The following CCSAP variants were observed in gnomAD, a reference collection of about 807,000 sequenced individuals.
The protein encoded by CCSAP is centriole, cilia and spindle-associated protein.
In CCSAP, 17 loss-of-function variants were observed where a neutral mutation model predicts 25.9. That is an observed-to-expected ratio of 0.66 (90% CI 0.45 to 0.99). The LOEUF (loss-of-function observed/expected upper bound fraction) is 0.99, where lower values mean the gene tolerates loss of function less well. Ranked by LOEUF, CCSAP falls within the 50% of genes least tolerant of loss-of-function variation. The pLI is 0.00. For synonymous variants in CCSAP, 169 were observed against 157.1 expected, an observed-to-expected ratio of 1.08 and a Z score of -0.57; for missense variants, 339 against 367.8, an observed-to-expected ratio of 0.92 and a Z score of 0.64.
In CCSAP at chr1:229,326,893, T is replaced by C. The variant is rs781331525; in HGVS notation, c.481A>G (p.Arg161Gly). The change falls in exon 3 of 4, where the codon AGA becomes GGA. Residue 161 changes from arginine to glycine, a missense_variant. Coordinates refer to ENST00000284617, the MANE Select transcript of CCSAP (RefSeq NM_145257.5). The part of the protein sequence containing the change: ...PRQQPSALFA[R>G]GNRKAVKSPQ... ...CTTTTGACCGCTTTCCTGTTTCCTC[T>C]AGCAAATAAGGCACTTGGTTGCTGT... 4 of 1,614,100 alleles carry C rather than the reference T, an allele frequency of 2.5e-6. No homozygotes were observed. The South Asian group carries it at 4.4e-5, about 18-fold the overall frequency.
At position 229,342,388 on chromosome 1, in the gene CCSAP, G is replaced by T; in HGVS notation, c.78C>A (p.Cys26Ter). ...QEPRWEEYGPCYRELLHYRLG... is the reference protein window; with the variant it reads ...QEPRWEEYGP ...GGCGGTAGTGCAGCAGCTCGCGGTA[G>T]CACGGCCCGTACTCCTCCCAGCGCG... Residue 26 changes from cysteine (C) to a stop codon, truncating the protein, a stop_gained, in exon 2 of 4, where the codon TGC (cysteine) becomes TGA (stop). Transcript: ENST00000284617. LOFTEE classifies it high-confidence loss of function. The surrounding 1 kb of genome is among the most constrained non-coding windows in gnomAD (Gnocchi z 7.5). 6.7e-7 allele frequency: 1 copy of T among 1,503,334 alleles called. No homozygotes were observed. The highest frequency in any genetic ancestry group is 1.3e-5 in the South Asian group (1 of 78,622). 93.1% of individuals were successfully genotyped at this position (1,503,334 alleles called of 1,614,324 possible).
chr1:229,336,348 C>G (rs974117706), intron 2 of CCSAP, among the ~76,000 whole-genome samples: 2 of 151,714 alleles, frequency 1.3e-5, no homozygotes, highest in African/African-American at 4.8e-5. Context: ...CTTCAGATGA[C>G]CCTAGGGACA....
chr1:229,330,568 C>T (rs181792690), intron 2 of CCSAP, among the ~76,000 whole-genome samples: 54 of 152,324 alleles, frequency 3.5e-4, no homozygotes, highest in Admixed American at 3.0e-3. Context: ...GCAGGCCGGG[C>T]GCGGTGGCTC....
chr1:229,333,293 C>T lies in CCSAP; in HGVS notation c.368-6287G>A, dbSNP rs560274456. Among the ~76,000 whole-genome samples the T allele has an allele frequency of 5.3e-5, 8 of 152,004 alleles. No homozygotes were observed. The East Asian group carries it at 1.4e-3, about 26-fold the overall frequency. ...TAAAAATACAAAAAAATTAGCCGGG[C>T]GTGGTGTCAGGTGCCTGTAGTCCCA... On this transcript the variant is annotated intron_variant, in intron 2 of 3. Coordinates refer to ENST00000284617, the MANE Select transcript of CCSAP (RefSeq NM_145257.5).
intron 2 of CCSAP, among the ~76,000 whole-genome samples, chr1:229,339,311 T>C (rs184399447): frequency 1.4e-4 from 21 of 152,184 alleles, no homozygotes; most frequent in Non-Finnish European, 2.5e-4. Flanking sequence ...TCAAGAATCA[T>C]AACGAGGCAG....
Position 229,342,073 on chromosome 1 carries a change from C to G in CCSAP, c.367+26G>C, listed in dbSNP as rs1658346591. On this transcript the variant is annotated intron_variant, in intron 2 of 3. Coordinates refer to ENST00000284617, the MANE Select transcript of CCSAP (RefSeq NM_145257.5). The surrounding 1 kb of genome is among the most constrained non-coding windows in gnomAD (Gnocchi z 7.5). ...GCAAACCGTCCCTGCGTGCAGGCCC[C>G]TCGCGCTCCCCTCCGGGCCGGGTAC... 7.6e-7 allele frequency: 1 copy of G among 1,320,558 alleles called. No homozygotes were observed. 81.8% of individuals were successfully genotyped at this position (1,320,558 alleles called of 1,614,324 possible). A position where few individuals can be genotyped will look rare whatever the true frequency, so the allele number is the denominator to read the frequency against.
In CCSAP at chr1:229,325,297, C is replaced by A. The variant is rs375812703; in HGVS notation, c.751G>T (p.Ala251Ser). The change falls in exon 4 of 4, where the codon GCT (alanine) becomes TCT (serine). Residue 251 changes from alanine to serine, a missense_variant. Ala to Ser is a moderately conservative substitution (Grantham distance 99). Transcript: ENST00000284617. ...ATCCACGGGTTCTCTGAGGAGGAAG[C>A]CTTCATCTTTCTGTTCTTCTCCACA... ...VDVEKNRKMK[A>S]SSSENPWMTE... The A allele has an allele frequency of 1.2e-6, 2 of 1,614,146 alleles. No individual in the cohort carries two copies. The highest frequency in any genetic ancestry group is 1.7e-6 in the Non-Finnish European group (2 of 1,180,012).
rs1658373520 is a variant in CCSAP, at chr1:229,342,775, C to A, written c.-49+137G>T. On this transcript the variant is annotated intron_variant, in intron 1 of 3. Transcript: ENST00000284617. This position sits in a 1 kb window ranked among gnomAD's most constrained non-coding sequence, Gnocchi z 7.5. ...AAGGCAGGGAGGCTGCGGGCTGGGG[C>A]GAGGGGACCGCAGGAGACTGGGGCT... 1 of 222,372 alleles carries A rather than the reference C, an allele frequency of 4.5e-6. No homozygotes were observed. The highest frequency in any genetic ancestry group is 8.7e-6 in the Non-Finnish European group (1 of 114,302). The allele number at this position is 222,372 out of a possible 1,614,324, so 13.8% of individuals were successfully genotyped here.
At chr1:229,331,787 T>TTTATTA (rs139107975) in intron 2 of CCSAP, among the ~76,000 whole-genome samples, 25,582 of 140,420 alleles carry the variant, frequency 0.18, 2,437 homozygotes, top group Middle Eastern at 0.26. Flanking sequence ...CTAATATCCT[T>TTTATTA]TTATTATTAT....
At position 229,325,177 on chromosome 1, in the gene CCSAP, T is replaced by G; in HGVS notation, c.*58A>C. ...CCGTTTCTTTTGATGGTTTTTGTTTTGTTTTTCCTTTCAGTCATTTACACT... is the reference window on the plus strand; with the variant it reads ...CCGTTTCTTTTGATGGTTTTTGTTTGGTTTTTCCTTTCAGTCATTTACACT... On this transcript the variant is annotated 3_prime_UTR_variant, in exon 4 of 4. Coordinates refer to ENST00000284617, the MANE Select transcript of CCSAP (RefSeq NM_145257.5). The G allele has an allele frequency of 1.3e-6, 2 of 1,483,942 alleles. No homozygotes were observed. The highest frequency in any genetic ancestry group is 1.8e-6 in the Non-Finnish European group (2 of 1,108,124). The allele number at this position is 1,483,942 out of a possible 1,614,324, so 91.9% of individuals were successfully genotyped here.
intron 2 of CCSAP, among the ~76,000 whole-genome samples, chr1:229,338,714 T>C (rs573207551): frequency 6.6e-6 from 1 of 152,264 alleles, no homozygotes; most frequent in South Asian, 2.1e-4. Context: ...AAGTGAAAGA[T>C]TGTGCTGAAG....
At chr1:229,333,229 G>A (rs1027155721) in intron 2 of CCSAP, among the ~76,000 whole-genome samples, 3 of 151,740 alleles carry the variant, frequency 2.0e-5, no homozygotes, top group Non-Finnish European at 2.9e-5. Context: ...TCAGGAGATA[G>A]AGACCATCCT....
At chr1:229,328,202 C>T (rs1440409821) in intron 2 of CCSAP, among the ~76,000 whole-genome samples, 1 of 152,170 alleles carries the variant, frequency 6.6e-6, no homozygotes, top group Non-Finnish European at 1.5e-5. Flanking sequence ...GAGTTCGTGA[C>T]GGGTCTGGGG....
rs528649384 is a variant in CCSAP, at chr1:229,332,311, C to T, written c.368-5305G>A. 5.3e-5 allele frequency among the ~76,000 whole-genome samples: 8 copies of T among 151,972 alleles called. No individual in the cohort carries two copies. The East Asian group carries it at 1.2e-3, about 22-fold the overall frequency. On this transcript the variant is annotated intron_variant, in intron 2 of 3. Coordinates refer to ENST00000284617, the MANE Select transcript of CCSAP (RefSeq NM_145257.5). ...CTTTCGACTGGTGGGAAGGAGGGGGCAGTCTGTGAGACTGAGCCCTCAACC... is the reference window on the plus strand; with the variant it reads ...CTTTCGACTGGTGGGAAGGAGGGGGTAGTCTGTGAGACTGAGCCCTCAACC...
intron 2 of CCSAP, among the ~76,000 whole-genome samples, chr1:229,330,613 C>T (rs886806222): frequency 2.6e-5 from 4 of 152,228 alleles, no homozygotes; most frequent in East Asian, 3.9e-4. Flanking sequence ...GAGGCCGAGG[C>T]GGGCGGATCA....
rs1451812844 is a variant in CCSAP at position 229,322,505 on chromosome 1, T to G, written c.*2730A>C. 1 of 152,204 alleles carries G rather than the reference T, an allele frequency of 6.6e-6. No individual in the cohort carries two copies. Among genetic ancestry groups the G allele is most frequent in the East Asian group, 1.9e-4 (1 of 5,204 alleles). The allele number at this position is 152,204 out of a possible 1,614,324, so 9.4% of individuals were successfully genotyped here. On this transcript the variant is annotated 3_prime_UTR_variant, in exon 4 of 4. Transcript: ENST00000284617. ...CTTTTGAAGATCCATTTATTCACAT[T>G]TTTCCAAGTAAATAGAATATTAACT...
chr1:229,326,098 T>C (rs1234106239), intron 3 of CCSAP, among the ~76,000 whole-genome samples: 1 of 152,238 alleles, frequency 6.6e-6, no homozygotes, highest in Non-Finnish European at 1.5e-5. Flanking sequence ...CTAACATACA[T>C]GTTTTCTGAC....
chr1:229,327,605 C>CA, intron 2 of CCSAP: 1 of 455,754 alleles, frequency 2.2e-6, no homozygotes, highest in Non-Finnish European at 4.4e-6. Context: ...TGCGGTGGCT[C>CA]ACACCTGTAA....
In CCSAP at chr1:229,342,099, C is replaced by A; in HGVS notation, c.367G>T (p.Ala123Ser). 1 of 1,347,936 alleles carries A rather than the reference C, an allele frequency of 7.4e-7. No homozygotes were observed. Among genetic ancestry groups the A allele is most frequent in the South Asian group, 2.2e-5 (1 of 46,330 alleles). 83.5% of individuals were successfully genotyped at this position (1,347,936 alleles called of 1,614,324 possible). The change falls in exon 2 of 4, where the codon GCA becomes TCA. Residue 123 changes from alanine (A) to serine (S), a missense_variant and splice_region_variant. Transcript: ENST00000284617. This position sits in a 1 kb window ranked among gnomAD's most constrained non-coding sequence, Gnocchi z 7.5. ...TCGCGCTCCCCTCCGGGCCGGGTAC[C>A]TGGCAGAGCCGCGTCCTCCGCGTCC... is the stretch of plus-strand genomic sequence containing the variant. Reference protein sequence around the residue: ...AEDAEDAALPALPVKDVEDKP... With the variant: ...AEDAEDAALPSLPVKDVEDKP...
Sources: allele counts gnomAD v4.1 joint callset (sites outside exome capture counted in the v4.1 genomes callset), GRCh38; gene constraint gnomAD v4.1.1; non-coding constraint Gnocchi (gnomAD v3.1); transcripts MANE v1.5; gene names NCBI Gene and HGNC (gene_info 2026-07-23, HGNC 2026-07-21).